Variants in RBFOX1 observed in about 807,000 individuals in gnomAD.
The protein encoded by RBFOX1 is RNA binding fox-1 homolog 1, also known as RNA binding protein fox-1 homolog 1.
RBFOX1 carries 8 observed loss-of-function variants against 57.7 expected under a neutral mutation model. The observed-to-expected ratio is 0.14, with a 90% CI of 0.08 to 0.25. The LOEUF is 0.25. Among genes scored for constraint, RBFOX1 ranks in the 10% least tolerant of loss-of-function variants. The pLI, the probability that RBFOX1 is intolerant of heterozygous loss-of-function variation, is 1.00. For synonymous variants in RBFOX1, 326 were observed against 222.4 expected (o/e 1.47, Z -4.15); for missense variants, 611 against 548.5 (o/e 1.11, Z -1.14).
At chr16:6,225,439 T>G (rs916699905) in intron 1 of RBFOX1, among the ~76,000 whole-genome samples, 3 of 152,150 alleles carry the variant, frequency 2.0e-5, no homozygotes, top group African/African-American at 7.2e-5. Context: ...CAACCCTATC[T>G]GGAATGTACA....
Position 5,503,128 on chromosome 16 carries a change from G to A in RBFOX1, c.258+35874G>A, listed in dbSNP as rs138228235. Among the ~76,000 whole-genome samples the A allele has an allele frequency of 2.0e-5, 3 of 152,344 alleles. No individual in the cohort carries two copies. In the East Asian group the frequency reaches 5.8e-4, roughly 29 times the overall value. On this transcript the variant is annotated intron_variant, in intron 2 of 2. Coordinates refer to the RBFOX1 transcript ENST00000585867. ...GGCTCTGGAACCACACCCCCAGGGT[G>A]GAGCCGCAGTTCTGCCATTGACTGC...
chr16:5,776,328 G>A (rs538200727), intron 3 of RBFOX1, among the ~76,000 whole-genome samples: 67 of 152,300 alleles, frequency 4.4e-4, no homozygotes, highest in African/African-American at 1.4e-3. Flanking sequence ...CTTCCACTCT[G>A]TGTGTTCTTT....
chr16:6,519,235 G>C (rs1449780769), intron 2 of RBFOX1, among the ~76,000 whole-genome samples: 1 of 152,168 alleles, frequency 6.6e-6, no homozygotes, highest in African/African-American at 2.4e-5. Context: ...ACTGGGTTGA[G>C]TGAAGAGTGG....
At chr16:6,697,183 T>A (rs1310239760) in intron 3 of RBFOX1, among the ~76,000 whole-genome samples, 5 of 152,232 alleles carry the variant, frequency 3.3e-5, no homozygotes, top group Non-Finnish European at 7.3e-5. Context: ...GTGATGATGT[T>A]ATATATTATA....
chr16:6,625,890 A>C (rs561238301), intron 2 of RBFOX1, among the ~76,000 whole-genome samples: 53 of 152,330 alleles, frequency 3.5e-4, no homozygotes, highest in Middle Eastern at 3.4e-3. Context: ...CATTGGCTCC[A>C]GGTAGAAATT....
chr16:7,061,576 A>T (rs1023978460), intron 4 of RBFOX1, among the ~76,000 whole-genome samples: 1 of 152,196 alleles, frequency 6.6e-6, no homozygotes, highest in African/African-American at 2.4e-5. Flanking sequence ...AGACTCAAAA[A>T]AAAGTTCACA....
At chr16:7,214,434 C>T (rs2091687803) in intron 4 of RBFOX1, among the ~76,000 whole-genome samples, 1 of 151,982 alleles carries the variant, frequency 6.6e-6, no homozygotes, top group Non-Finnish European at 1.5e-5. Flanking sequence ...TGCTCCCTTC[C>T]TATTCTAAAT....
intron 3 of RBFOX1, among the ~76,000 whole-genome samples, chr16:5,854,817 G>A (rs1212453716): frequency 6.6e-6 from 1 of 152,022 alleles, no homozygotes; most frequent in Non-Finnish European, 1.5e-5. Flanking sequence ...TTTCCATAAT[G>A]GCTCTATCAA....
At chr16:5,821,300 T>A (rs188895850) in intron 3 of RBFOX1, among the ~76,000 whole-genome samples, 1,727 of 147,270 alleles carry the variant, frequency 0.012, 36 homozygotes, top group African/African-American at 0.036. Flanking sequence ...TTTTTTATTT[T>A]TTTTTTTTTT....
chr16:5,461,209 G>A (rs1449391767), intron 1 of RBFOX1, among the ~76,000 whole-genome samples: 1 of 152,084 alleles, frequency 6.6e-6, no homozygotes, highest in Non-Finnish European at 1.5e-5. Context: ...GAGAATGGCT[G>A]CATCTCTAAT....
At chr16:5,343,213 C>T (rs945371550) in intron 1 of RBFOX1, among the ~76,000 whole-genome samples, 2 of 150,654 alleles carry the variant, frequency 1.3e-5, no homozygotes, top group African/African-American at 2.4e-5. Context: ...GACATTGTTG[C>T]TTGATCAAAC....
chr16:7,377,307 C>A (rs375701769), intron 4 of RBFOX1, among the ~76,000 whole-genome samples: 1 of 152,126 alleles, frequency 6.6e-6, no homozygotes, highest in Non-Finnish European at 1.5e-5. Context: ...TCCGTATCAC[C>A]CACGTGAGGT....
At chr16:7,222,829 C>T (rs932444281) in intron 4 of RBFOX1, among the ~76,000 whole-genome samples, 1 of 152,208 alleles carries the variant, frequency 6.6e-6, no homozygotes, top group Non-Finnish European at 1.5e-5. Flanking sequence ...TCATGAAAGA[C>T]TGCAGTGTTC....
At chr16:7,569,620 C>T (rs764169816) in intron 5 of RBFOX1, among the ~76,000 whole-genome samples, 29 of 152,152 alleles carry the variant, frequency 1.9e-4, no homozygotes, top group African/African-American at 6.8e-4. Flanking sequence ...TTCAAGATTC[C>T]AGGTATTAGA....
In RBFOX1 at chr16:5,772,429, C is replaced by T. The variant is rs564872272; in HGVS notation, c.319-94874C>T. Among the ~76,000 whole-genome samples the T allele has an allele frequency of 2.0e-5, 3 of 152,302 alleles. No homozygotes were observed. The East Asian group carries it at 5.8e-4, about 29-fold the overall frequency. On this transcript the variant is annotated intron_variant, in intron 3 of 19. Transcript: ENST00000641259. ...CAGAGATTTTAGGCCCAAGGATCTT[C>T]CTGCTTAGATCCTCAGGTACCTCTT... is the stretch of plus-strand genomic sequence containing the variant.
Position 7,504,985 on chromosome 16 carries a change from A to C in RBFOX1, c.28-13162A>C, listed in dbSNP as rs533396072. ...TTTCCAGCGCGAAATGCTTCAGTGC[A>C]ATGTTAGGATATTCTAATGGGGAAA... is the stretch of plus-strand genomic sequence containing the variant. On this transcript the variant is annotated intron_variant, in intron 4 of 15. Transcript: ENST00000550418. Among the ~76,000 whole-genome samples the C allele has an allele frequency of 2.0e-5, 3 of 149,946 alleles. No homozygotes were observed. In the South Asian group the frequency reaches 6.3e-4, roughly 31 times the overall value.
intron 1 of RBFOX1, among the ~76,000 whole-genome samples, chr16:6,020,255 G>A (rs55916483): frequency 0.1 from 15,232 of 152,014 alleles, 1,008 homozygotes; most frequent in East Asian, 0.22. Flanking sequence ...GCGCCCCTCC[G>A]AAGCATCCAG....
intron 3 of RBFOX1, among the ~76,000 whole-genome samples, chr16:6,871,513 C>T (rs1353914882): frequency 2.6e-5 from 4 of 152,012 alleles, no homozygotes; most frequent in Admixed American, 2.6e-4. Flanking sequence ...TCTTTCCTCT[C>T]CCTTATCCCT....
chr16:5,635,691 C>T (rs2048661508), intron 3 of RBFOX1, among the ~76,000 whole-genome samples: 1 of 152,150 alleles, frequency 6.6e-6, no homozygotes, highest in South Asian at 2.1e-4. Context: ...TGTAACTTGG[C>T]TAAATTACAT....
Sources: allele counts gnomAD v4.1 joint callset (sites outside exome capture counted in the v4.1 genomes callset), GRCh38; gene constraint gnomAD v4.1.1; transcripts MANE v1.5; gene names NCBI Gene and HGNC (gene_info 2026-07-23, HGNC 2026-07-21).